MMP16: variants seen among roughly 807,000 people sequenced by gnomAD.
MMP16 encodes the protein matrix metallopeptidase 16, also known as matrix metalloproteinase-16.
MMP16 carries 12 observed loss-of-function variants against 67.8 expected under a neutral mutation model. The observed-to-expected ratio is 0.18, with a 90% CI of 0.11 to 0.29. MMP16 has a LOEUF of 0.29. Among genes scored for constraint, MMP16 ranks in the 10% least tolerant of loss-of-function variants. The pLI, the probability that MMP16 is intolerant of heterozygous loss-of-function variation, is 1.00. For synonymous variants in MMP16, 249 were observed against 255.9 expected (o/e 0.97, Z 0.26); for missense variants, 475 against 765.7 (o/e 0.62, Z 4.48).
At chr8:88,201,371 T>A (rs1350167364) in intron 1 of MMP16, among the ~76,000 whole-genome samples, 4 of 152,034 alleles carry the variant, frequency 2.6e-5, no homozygotes, top group African/African-American at 9.6e-5. Context: ...ATAGTTAATT[T>A]CCACCTAATG....
intron 7 of MMP16, among the ~76,000 whole-genome samples, chr8:88,073,066 G>T (rs1350864923): frequency 6.6e-6 from 1 of 152,202 alleles, no homozygotes; most frequent in Admixed American, 6.5e-5. Context: ...TACTGGTCCT[G>T]TGAGGAGACA....
At position 88,131,591 on chromosome 8, in the gene MMP16, A is replaced by G. The variant is rs1422492950; in HGVS notation, c.710-12730T>C. 2.0e-5 allele frequency among the ~76,000 whole-genome samples: 3 copies of G among 151,878 alleles called. No homozygotes were observed. The East Asian group carries it at 5.8e-4, about 29-fold the overall frequency. On this transcript the variant is annotated intron_variant, in intron 4 of 9. Coordinates refer to ENST00000286614, the MANE Select transcript of MMP16 (RefSeq NM_005941.5). ...TCCTATACCATATTAATGGAGTGTT[A>G]ACAAAACATCATTATTATCACAGTA...
At chr8:88,148,413 T>C (rs962108691) in intron 4 of MMP16, among the ~76,000 whole-genome samples, 3 of 152,252 alleles carry the variant, frequency 2.0e-5, no homozygotes, top group South Asian at 2.1e-4. Context: ...ATTTGCATGA[T>C]AGCCACCGGT....
At position 88,232,021 on chromosome 8, in the gene MMP16, A is replaced by G. The variant is rs188464889; in HGVS notation, c.133-34715T>C. On this transcript the variant is annotated intron_variant, in intron 1 of 9. Coordinates refer to ENST00000286614, the MANE Select transcript of MMP16 (RefSeq NM_005941.5). ...TAAAATTCTGAGTTCGTTTTCCTGC[A>G]TGGACATTGAACCATAAAGAGAAGG... Among the ~76,000 whole-genome samples the G allele has an allele frequency of 2.1e-3, 319 of 152,258 alleles. 1 individual carries two copies. The highest frequency in any genetic ancestry group is 6.8e-3 in the Middle Eastern group (2 of 294).
intron 1 of MMP16, among the ~76,000 whole-genome samples, chr8:88,305,598 C>G (rs1265323473): frequency 1.3e-5 from 2 of 152,174 alleles, no homozygotes; most frequent in Non-Finnish European, 2.9e-5. Context: ...TGTCAGACCA[C>G]AGTGCAATCA....
rs115549284 is a variant in MMP16, at chr8:88,129,425, A to C, written c.710-10564T>G. 5.8e-3 allele frequency among the ~76,000 whole-genome samples: 878 copies of C among 151,774 alleles called. 10 individuals carry two copies. Among genetic ancestry groups the C allele is most frequent in the African/African-American group, 0.02 (837 of 41,492 alleles). On this transcript the variant is annotated intron_variant, in intron 4 of 9. Coordinates refer to ENST00000286614, the MANE Select transcript of MMP16 (RefSeq NM_005941.5). Reference sequence around the variant, plus strand: ...TTTGTACAGAGATTAAAAACTTATAAACAAATTTGTTTTTATAAAACATTA... The same window carrying C: ...TTTGTACAGAGATTAAAAACTTATACACAAATTTGTTTTTATAAAACATTA...
At chr8:88,073,285 T>C (rs974304569) in intron 7 of MMP16, among the ~76,000 whole-genome samples, 2 of 152,194 alleles carry the variant, frequency 1.3e-5, no homozygotes, top group Non-Finnish European at 2.9e-5. Context: ...ATGCTTATTA[T>C]AGACAGCAGG....
intron 1 of MMP16, among the ~76,000 whole-genome samples, chr8:88,291,107 C>A (rs1810919405): frequency 1.3e-5 from 2 of 151,724 alleles, no homozygotes; most frequent in Non-Finnish European, 2.9e-5. Flanking sequence ...ACGGTGATAC[C>A]ACATCTCTAT....
intron 3 of MMP16, among the ~76,000 whole-genome samples, chr8:88,171,291 C>T (rs1263362314): frequency 2.0e-5 from 3 of 152,136 alleles, no homozygotes; most frequent in Non-Finnish European, 4.4e-5. Flanking sequence ...CCTCATCACA[C>T]GAGTTTACCT....
intron 1 of MMP16, among the ~76,000 whole-genome samples, chr8:88,224,479 A>G (rs918774218): frequency 5.9e-5 from 9 of 152,018 alleles, no homozygotes; most frequent in Non-Finnish European, 1.3e-4. Context: ...TTTATATAAA[A>G]TGATCATCTA....
Position 88,183,578 on chromosome 8 carries a change from C to T in MMP16, c.404+2898G>A, listed in dbSNP as rs149242265. 4.0e-3 allele frequency among the ~76,000 whole-genome samples: 601 copies of T among 152,018 alleles called. 5 individuals are homozygous for T. Among genetic ancestry groups the T allele is most frequent in the African/African-American group, 0.014 (575 of 41,478 alleles). On this transcript the variant is annotated intron_variant, in intron 3 of 9. Transcript: ENST00000286614. The stretch of plus-strand genomic sequence containing the variant: ...CTCTATTAGTAGCTGTGCAATGTTG[C>T]TGAATAGAGGAGAGGTAGCAGATAC...
At chr8:88,097,269 G>A (rs1302999397) in intron 6 of MMP16, among the ~76,000 whole-genome samples, 1 of 151,770 alleles carries the variant, frequency 6.6e-6, no homozygotes. Flanking sequence ...TTGATCCTCA[G>A]TATATAATTT....
intron 2 of MMP16, among the ~76,000 whole-genome samples, chr8:88,192,933 G>T (rs7821734): frequency 6.6e-6 from 1 of 152,022 alleles, no homozygotes; most frequent in African/African-American, 2.4e-5. Flanking sequence ...TGAAGAAAGA[G>T]AAATCCTTAT....
chr8:88,087,926 C>T (rs960244655), intron 6 of MMP16, among the ~76,000 whole-genome samples: 1 of 148,024 alleles, frequency 6.8e-6, no homozygotes, highest in Non-Finnish European at 1.5e-5. Flanking sequence ...CCTAGGGTAA[C>T]AGAGTGAGGT....
intron 4 of MMP16, among the ~76,000 whole-genome samples, chr8:88,146,980 C>T (rs1260401077): frequency 6.6e-6 from 1 of 151,924 alleles, no homozygotes; most frequent in Admixed American, 6.6e-5. Context: ...CTTGCTATAA[C>T]ATTTTGTATA....
intron 6 of MMP16, among the ~76,000 whole-genome samples, chr8:88,080,416 GT>G (rs1253645662): frequency 6.6e-6 from 1 of 152,050 alleles, no homozygotes; most frequent in African/African-American, 2.4e-5. Context: ...ATCATGTGTT[GT>G]TTTATTTATT....
chr8:88,135,483 T>C (rs537349453), intron 4 of MMP16, among the ~76,000 whole-genome samples: 1 of 151,900 alleles, frequency 6.6e-6, no homozygotes, highest in East Asian at 1.9e-4. Context: ...AATGAACAGT[T>C]CTATTATGAT....
chr8:88,083,988 C>T (rs1808794230), intron 6 of MMP16, among the ~76,000 whole-genome samples: 1 of 152,004 alleles, frequency 6.6e-6, no homozygotes, highest in Non-Finnish European at 1.5e-5. Context: ...TTTCCCTTCC[C>T]TACTTTTCCC....
At chr8:88,087,872 A>C (rs557224860) in intron 6 of MMP16, among the ~76,000 whole-genome samples, 17 of 151,638 alleles carry the variant, frequency 1.1e-4, no homozygotes, top group African/African-American at 4.1e-4. Flanking sequence ...TAAACCTGGC[A>C]GGTTGAGGCT....
Sources: gnomAD v4.1 joint callset for allele counts (sites outside exome capture counted in the v4.1 genomes callset) on GRCh38, gnomAD v4.1.1 for gene constraint, MANE v1.5 for transcripts, NCBI Gene and HGNC (gene_info 2026-07-23, HGNC 2026-07-21) for gene names.